Variants in CFAP299 observed in about 807,000 individuals in gnomAD.
CFAP299 encodes cilia and flagella associated protein 299.
CFAP299 carries 21 observed loss-of-function variants against 27.0 expected under a neutral mutation model. The observed-to-expected ratio is 0.78, with a 90% CI of 0.55 to 1.12. The LOEUF (loss-of-function observed/expected upper bound fraction) is 1.12, where lower values mean the gene tolerates loss of function less well. Ranked by LOEUF, CFAP299 falls within the 50% of genes most tolerant of loss-of-function variation. CFAP299 has a pLI of 0.00. For synonymous variants in CFAP299, 104 were observed against 98.1 expected (o/e 1.06, Z -0.36); for missense variants, 310 against 276.6 (o/e 1.12, Z -0.86).
intron 3 of CFAP299, among the ~76,000 whole-genome samples, chr4:80,674,921 T>C (rs990899835): frequency 7.9e-5 from 12 of 152,330 alleles, no homozygotes; most frequent in African/African-American, 2.6e-4. Context: ...TAGCCATTCA[T>C]CTAATCTTTT....
chr4:80,671,071 A>T (rs912445011), intron 3 of CFAP299, among the ~76,000 whole-genome samples: 1 of 152,160 alleles, frequency 6.6e-6, no homozygotes, highest in Non-Finnish European at 1.5e-5. Flanking sequence ...GCCCATGCCT[A>T]TGTCCTGAAT....
intron 3 of CFAP299, among the ~76,000 whole-genome samples, chr4:80,730,222 C>T (rs1723423225): frequency 7.6e-6 from 1 of 132,442 alleles, no homozygotes; most frequent in African/African-American, 3.4e-5. Context: ...CTCTGAAGGT[C>T]TCTCTTTCTC....
At chr4:80,865,573 A>G (rs1199276212) in intron 3 of CFAP299, among the ~76,000 whole-genome samples, 3 of 152,220 alleles carry the variant, frequency 2.0e-5, no homozygotes, top group Non-Finnish European at 4.4e-5. Context: ...ACATACTAAT[A>G]ATTCCAATCG....
rs577564900 is a variant in CFAP299 at position 80,487,540 on chromosome 4, G to C, written c.243-95553G>C. 2.0e-5 allele frequency among the ~76,000 whole-genome samples: 3 copies of C among 152,268 alleles called. No homozygotes were observed. The East Asian group carries it at 5.8e-4, about 29-fold the overall frequency. On this transcript the variant is annotated intron_variant, in intron 2 of 5. Transcript: ENST00000358105. ...CCTTAAGTTACTTCCTTGGAGTCTAGAAGGCAGAGAGGGGTCTGATTTAGC... is the reference window on the plus strand; with the variant it reads ...CCTTAAGTTACTTCCTTGGAGTCTACAAGGCAGAGAGGGGTCTGATTTAGC...
At chr4:80,565,960 T>G (rs1328526618) in intron 2 of CFAP299, among the ~76,000 whole-genome samples, 2 of 152,066 alleles carry the variant, frequency 1.3e-5, no homozygotes, top group Non-Finnish European at 2.9e-5. Flanking sequence ...CATCACTCTT[T>G]GAAATCCGTG....
At chr4:80,735,657 C>T (rs960093131) in intron 3 of CFAP299, among the ~76,000 whole-genome samples, 16 of 152,048 alleles carry the variant, frequency 1.1e-4, no homozygotes, top group Non-Finnish European at 1.9e-4. Context: ...GGATGTTCAA[C>T]TTTATTAAAT....
intron 3 of CFAP299, among the ~76,000 whole-genome samples, chr4:80,635,894 C>A (rs1437556380): frequency 3.9e-5 from 6 of 152,000 alleles, no homozygotes; most frequent in Non-Finnish European, 7.4e-5. Flanking sequence ...GATCTCAGGT[C>A]TTTTGTTAAA....
intron 3 of CFAP299, among the ~76,000 whole-genome samples, chr4:80,814,415 T>C (rs1488169612): frequency 1.3e-5 from 2 of 152,024 alleles, no homozygotes; most frequent in African/African-American, 4.8e-5. Context: ...TTTAAAGGCA[T>C]TTTTCCATGT....
intron 4 of CFAP299, among the ~76,000 whole-genome samples, chr4:80,928,196 T>C (rs1388317933): frequency 6.6e-6 from 1 of 152,094 alleles, no homozygotes; most frequent in East Asian, 1.9e-4. Context: ...TTGTGCTCTT[T>C]AGCTGCACGT....
At chr4:80,700,067 G>C (rs894063697) in intron 3 of CFAP299, among the ~76,000 whole-genome samples, 2 of 152,042 alleles carry the variant, frequency 1.3e-5, no homozygotes, top group African/African-American at 4.8e-5. Context: ...ACAGAATTTG[G>C]TACTAACCCA....
At chr4:80,392,113 C>T (rs1480336088) in intron 2 of CFAP299, among the ~76,000 whole-genome samples, 1 of 152,198 alleles carries the variant, frequency 6.6e-6, no homozygotes, top group Admixed American at 6.5e-5. Flanking sequence ...GTAGCCCTTT[C>T]ATTTTGGCCG....
At chr4:80,912,588 C>T (rs1244031895) in intron 4 of CFAP299, among the ~76,000 whole-genome samples, 1 of 152,102 alleles carries the variant, frequency 6.6e-6, no homozygotes, top group East Asian at 1.9e-4. Flanking sequence ...GAGCTGCAGT[C>T]GGACCACAGA....
At chr4:80,662,623 A>G (rs1010979573) in intron 3 of CFAP299, among the ~76,000 whole-genome samples, 4 of 152,216 alleles carry the variant, frequency 2.6e-5, no homozygotes, top group Non-Finnish European at 5.9e-5. Flanking sequence ...TTTAGCTTGC[A>G]TGCTATTTAG....
chr4:80,446,656 A>G (rs1728628873), intron 2 of CFAP299, among the ~76,000 whole-genome samples: 1 of 152,160 alleles, frequency 6.6e-6, no homozygotes, highest in South Asian at 2.1e-4. Context: ...TTTCTGCATT[A>G]GGGACCTCAA....
chr4:80,470,451 A>G lies in CFAP299; in HGVS notation c.242+107567A>G, dbSNP rs188175801. Among the ~76,000 whole-genome samples, 539 of 131,668 alleles carry G rather than the reference A, an allele frequency of 4.1e-3. 4 individuals carry two copies. The highest frequency in any genetic ancestry group is 0.018 in the African/African-American group (505 of 28,672). 86.4% of individuals were successfully genotyped at this position (131,668 alleles called of 152,430 possible). A position where few individuals can be genotyped will look rare whatever the true frequency, so the allele number is the denominator to read the frequency against. ...TCAAATTCATGTTGTCATTACAAAC[A>G]TGGTATCATTTTATGTATTACCTTA... is the stretch of plus-strand genomic sequence containing the variant. On this transcript the variant is annotated intron_variant, in intron 2 of 5. Transcript: ENST00000358105.
At chr4:80,652,426 C>T (rs912775469) in intron 3 of CFAP299, among the ~76,000 whole-genome samples, 6 of 151,908 alleles carry the variant, frequency 3.9e-5, no homozygotes, top group Non-Finnish European at 8.8e-5. Flanking sequence ...AAGAGAGAAG[C>T]GGGTGTAATC....
intron 3 of CFAP299, among the ~76,000 whole-genome samples, chr4:80,619,895 TC>T (rs1738485837): frequency 6.6e-6 from 1 of 152,114 alleles, no homozygotes; most frequent in Non-Finnish European, 1.5e-5. Context: ...CTGTTTATTT[TC>T]CCCTGTGAAA....
chr4:80,933,794 C>T lies in CFAP299; in HGVS notation c.477-11016C>T, dbSNP rs78094419. Among the ~76,000 whole-genome samples, 106 of 152,162 alleles carry T rather than the reference C, an allele frequency of 7.0e-4. 1 individual carries two copies. Among genetic ancestry groups the T allele is most frequent in the African/African-American group, 2.5e-3 (104 of 41,534 alleles). On this transcript the variant is annotated intron_variant, in intron 4 of 5. Coordinates refer to ENST00000358105, the MANE Select transcript of CFAP299 (RefSeq NM_152770.3). ...TTATTGATTTTATCCTGTAAACTTA[C>T]TGAATTCCTTTATTAATTATAACAA...
chr4:80,558,987 C>T (rs966843409), intron 2 of CFAP299, among the ~76,000 whole-genome samples: 3 of 152,104 alleles, frequency 2.0e-5, no homozygotes, highest in Non-Finnish European at 4.4e-5. Flanking sequence ...AATAAAACCA[C>T]CTCAAAACTC....
Sources: gnomAD v4.1 joint callset for allele counts (sites outside exome capture counted in the v4.1 genomes callset) on GRCh38, gnomAD v4.1.1 for gene constraint, MANE v1.5 for transcripts, NCBI Gene and HGNC (gene_info 2026-07-23, HGNC 2026-07-21) for gene names.